DLGAP1: variants seen among roughly 807,000 people sequenced by gnomAD.
DLGAP1 encodes disks large-associated protein 1.
Under a neutral mutation model 90.8 loss-of-function variants are expected in DLGAP1, and 11 were observed. That is an observed-to-expected ratio of 0.12 (90% CI 0.08 to 0.20). The LOEUF is 0.20. DLGAP1 is among the 10% of genes least tolerant of loss of function. The pLI is 1.00. For missense variants in DLGAP1, 1,050 were observed against 1,333.8 expected (o/e 0.79, Z 3.31); for synonymous variants, 558 against 540.7 (o/e 1.03, Z -0.44).
chr18:3,836,089 C>G (rs1392508207), intron 4 of DLGAP1, among the ~76,000 whole-genome samples: 1 of 152,180 alleles, frequency 6.6e-6, no homozygotes, highest in Non-Finnish European at 1.5e-5. Context: ...TAAGAATTAA[C>G]ATAAGTTAAG....
chr18:3,615,618 A>G (rs142390848), intron 7 of DLGAP1, among the ~76,000 whole-genome samples: 1 of 152,216 alleles, frequency 6.6e-6, no homozygotes, highest in African/African-American at 2.4e-5. Flanking sequence ...GAGGCCAAGA[A>G]AGCTGCATTT....
intron 1 of DLGAP1, among the ~76,000 whole-genome samples, chr18:4,335,320 C>G (rs1351932760): frequency 6.6e-6 from 1 of 151,940 alleles, no homozygotes; most frequent in African/African-American, 2.4e-5. Flanking sequence ...TTACCTCCCT[C>G]CCACCTTCCA....
chr18:3,880,760 T>C (rs2071135950), intron 3 of DLGAP1, among the ~76,000 whole-genome samples: 1 of 151,664 alleles, frequency 6.6e-6, no homozygotes, highest in Non-Finnish European at 1.5e-5. Flanking sequence ...CTGGCCAACA[T>C]GGTGAAACCC....
At chr18:4,302,058 G>T (rs1456529786) in intron 1 of DLGAP1, among the ~76,000 whole-genome samples, 1 of 152,052 alleles carries the variant, frequency 6.6e-6, no homozygotes, top group African/African-American at 2.4e-5. Flanking sequence ...CAGATGTGTG[G>T]CTTACAAATA....
chr18:4,062,684 G>T (rs2075315686), intron 2 of DLGAP1, among the ~76,000 whole-genome samples: 1 of 152,076 alleles, frequency 6.6e-6, no homozygotes, highest in Non-Finnish European at 1.5e-5. Context: ...AGTTTATTTT[G>T]CAAACAAATC....
At chr18:3,863,066 C>T (rs896152050) in intron 4 of DLGAP1, among the ~76,000 whole-genome samples, 6 of 152,164 alleles carry the variant, frequency 3.9e-5, no homozygotes, top group Admixed American at 1.3e-4. Context: ...TCTGTGATGA[C>T]GGAAATGTTG....
intron 1 of DLGAP1, among the ~76,000 whole-genome samples, chr18:4,202,688 T>C (rs186925384): frequency 2.6e-5 from 4 of 152,260 alleles, no homozygotes; most frequent in East Asian, 3.9e-4. Context: ...TCAGCAACTA[T>C]TCACTCTCAG....
At chr18:4,262,370 A>C (rs1263862714) in intron 1 of DLGAP1, among the ~76,000 whole-genome samples, 1 of 152,200 alleles carries the variant, frequency 6.6e-6, no homozygotes, top group African/African-American at 2.4e-5. Flanking sequence ...GATGCTGTGC[A>C]TATCTGTCTA....
intron 3 of DLGAP1, among the ~76,000 whole-genome samples, chr18:3,965,061 T>C (rs928116899): frequency 3.3e-5 from 5 of 152,204 alleles, no homozygotes; most frequent in Non-Finnish European, 7.3e-5. Context: ...TTTAAGGCTA[T>C]AGTGATAGAA....
intron 7 of DLGAP1, among the ~76,000 whole-genome samples, chr18:3,669,505 A>G (rs539704113): frequency 1.3e-5 from 2 of 152,344 alleles, no homozygotes; most frequent in East Asian, 3.9e-4. Context: ...CGGCAGAAGA[A>G]GACACGAGTG....
At chr18:4,361,593 A>T (rs1226539613) in intron 1 of DLGAP1, among the ~76,000 whole-genome samples, 1 of 152,258 alleles carries the variant, frequency 6.6e-6, no homozygotes, top group Non-Finnish European at 1.5e-5. Context: ...TGCTACATAT[A>T]AAAATTAATT....
At chr18:3,545,825 A>T (rs2144699029) in intron 9 of DLGAP1, among the ~76,000 whole-genome samples, 1 of 152,372 alleles carries the variant, frequency 6.6e-6, no homozygotes, top group Middle Eastern at 3.4e-3. Flanking sequence ...TTAATATCAG[A>T]CTAGGTAGGT....
chr18:4,326,174 G>C lies in DLGAP1; in HGVS notation c.-267+128832C>G, dbSNP rs111319714. On this transcript the variant is annotated intron_variant, in intron 1 of 12. Coordinates refer to ENST00000315677, the MANE Select transcript of DLGAP1 (RefSeq NM_004746.4). Reference sequence around the variant, plus strand: ...CAACAAATTTGTAAGCAAAAAACAAGCAAAAGTGGACAAAGAATATGAACA... The same window carrying C: ...CAACAAATTTGTAAGCAAAAAACAACCAAAAGTGGACAAAGAATATGAACA... 4.8e-3 allele frequency among the ~76,000 whole-genome samples: 721 copies of C among 151,106 alleles called. 10 individuals are homozygous for C. The highest frequency in any genetic ancestry group is 0.016 in the African/African-American group (681 of 41,368).
chr18:3,900,203 G>A (rs2071751199), intron 3 of DLGAP1, among the ~76,000 whole-genome samples: 1 of 152,176 alleles, frequency 6.6e-6, no homozygotes, highest in South Asian at 2.1e-4. Context: ...TTGAACAGGG[G>A]ATGTGGAAAG....
chr18:4,085,759 A>G (rs1461560466), intron 2 of DLGAP1, among the ~76,000 whole-genome samples: 1 of 152,248 alleles, frequency 6.6e-6, no homozygotes, highest in African/African-American at 2.4e-5. Context: ...ATTTCTTTAG[A>G]TAACCTCAGA....
chr18:4,275,634 C>T (rs1391889438), intron 1 of DLGAP1, among the ~76,000 whole-genome samples: 1 of 151,152 alleles, frequency 6.6e-6, no homozygotes, highest in Non-Finnish European at 1.5e-5. Flanking sequence ...ATCATAAATG[C>T]CCAAAACTGA....
chr18:4,394,372 G>A (rs191946401), intron 1 of DLGAP1, among the ~76,000 whole-genome samples: 1 of 152,188 alleles, frequency 6.6e-6, no homozygotes, highest in East Asian at 1.9e-4. Flanking sequence ...AAGAATTTAA[G>A]AATAAATTTC....
intron 7 of DLGAP1, among the ~76,000 whole-genome samples, chr18:3,693,939 G>A (rs888316870): frequency 6.6e-6 from 1 of 152,018 alleles, no homozygotes; most frequent in African/African-American, 2.4e-5. Flanking sequence ...GTGCAGGTTT[G>A]TTACATAGGT....
chr18:3,508,159 T>A (rs1463289417), intron 11 of DLGAP1, among the ~76,000 whole-genome samples: 1 of 152,196 alleles, frequency 6.6e-6, no homozygotes, highest in Non-Finnish European at 1.5e-5. Context: ...GAACTCAGAT[T>A]AGGAAATAGT....
Sources: gnomAD v4.1 joint callset for allele counts (sites outside exome capture counted in the v4.1 genomes callset) on GRCh38, gnomAD v4.1.1 for gene constraint, MANE v1.5 for transcripts, NCBI Gene and HGNC (gene_info 2026-07-23, HGNC 2026-07-21) for gene names.